Variants in CNTN5 observed in about 807,000 individuals in gnomAD.
CNTN5 encodes the protein contactin-5.
A neutral mutation model predicts 129.1 loss-of-function variants in CNTN5; 77 were observed. That is an observed-to-expected ratio of 0.60 (90% CI 0.50 to 0.72). CNTN5 has a LOEUF of 0.72. CNTN5 is among the 30% of genes least tolerant of loss of function. CNTN5 has a pLI of 0.00. For synonymous variants in CNTN5, 509 were observed against 465.6 expected (o/e 1.09, Z -1.20); for missense variants, 1,478 against 1,328.8 (o/e 1.11, Z -1.75).
chr11:100,038,100 C>A (rs528383106), intron 9 of CNTN5, among the ~76,000 whole-genome samples: 2 of 151,874 alleles, frequency 1.3e-5, no homozygotes, highest in African/African-American at 4.8e-5. Flanking sequence ...CTTTTGTGGG[C>A]ATTTAGTGCT....
intron 3 of CNTN5, among the ~76,000 whole-genome samples, chr11:99,786,398 G>T (rs1251991620): frequency 6.6e-6 from 1 of 151,588 alleles, no homozygotes; most frequent in Non-Finnish European, 1.5e-5. Flanking sequence ...TGGATAGGAA[G>T]AATCAATATC....
At chr11:99,784,724 C>T (rs1291484895) in intron 3 of CNTN5, among the ~76,000 whole-genome samples, 9 of 151,668 alleles carry the variant, frequency 5.9e-5, no homozygotes, top group African/African-American at 2.2e-4. Flanking sequence ...TCCACATCCT[C>T]TCCAGCATCT....
At chr11:99,669,087 T>C (rs1952923208) in intron 3 of CNTN5, among the ~76,000 whole-genome samples, 1 of 152,202 alleles carries the variant, frequency 6.6e-6, no homozygotes, top group Non-Finnish European at 1.5e-5. Context: ...ACTCTTACTT[T>C]GTCTAGTTTT....
chr11:99,811,028 G>C (rs1243456473), intron 3 of CNTN5, among the ~76,000 whole-genome samples: 2 of 152,024 alleles, frequency 1.3e-5, no homozygotes, highest in African/African-American at 4.8e-5. Flanking sequence ...TTTTACACAA[G>C]AGCCTAAACA....
rs930128242 is a variant in CNTN5, at chr11:99,325,354, A to T, written c.-201A>T. 32 of 152,140 alleles carry T rather than the reference A, an allele frequency of 2.1e-4. No homozygotes were observed. Among genetic ancestry groups the T allele is most frequent in the African/African-American group, 7.7e-4 (32 of 41,434 alleles). 9.4% of individuals were successfully genotyped at this position (152,140 alleles called of 1,614,324 possible). On this transcript the variant is annotated 5_prime_UTR_variant, in exon 2 of 25. Transcript: ENST00000524871. ...ATATTATTTCTTAACAGGTGTCTTTAAAGGATTGCCATTTAATGCCATTCA... is the reference window on the plus strand; with the variant it reads ...ATATTATTTCTTAACAGGTGTCTTTTAAGGATTGCCATTTAATGCCATTCA...
intron 3 of CNTN5, among the ~76,000 whole-genome samples, chr11:99,774,873 A>AT (rs1945071172): frequency 6.6e-6 from 1 of 152,002 alleles, no homozygotes; most frequent in South Asian, 2.1e-4. Flanking sequence ...TTAAAAAAAA[A>AT]TTTTCTTTCA....
chr11:99,265,846 G>A (rs1030696968), intron 1 of CNTN5, among the ~76,000 whole-genome samples: 2 of 151,974 alleles, frequency 1.3e-5, no homozygotes, highest in East Asian at 1.9e-4. Flanking sequence ...GTAAGTAGCT[G>A]TGTCTATTAT....
chr11:99,936,962 T>G (rs1479385602), intron 7 of CNTN5, among the ~76,000 whole-genome samples: 1 of 152,158 alleles, frequency 6.6e-6, no homozygotes, highest in Non-Finnish European at 1.5e-5. Flanking sequence ...GATGGAGTTC[T>G]TACCACATGA....
intron 17 of CNTN5, among the ~76,000 whole-genome samples, chr11:100,262,943 A>G (rs1950233965): frequency 6.6e-6 from 1 of 152,186 alleles, no homozygotes; most frequent in African/African-American, 2.4e-5. Flanking sequence ...TATAATAAAA[A>G]AAAGAAAATC....
chr11:99,070,458 G>A (rs1297243330), intron 1 of CNTN5, among the ~76,000 whole-genome samples: 1 of 151,954 alleles, frequency 6.6e-6, no homozygotes, highest in Admixed American at 6.6e-5. Flanking sequence ...GAAACAGCCT[G>A]AGCCCCTATA....
At chr11:100,281,875 T>A (rs144110149) in intron 18 of CNTN5, among the ~76,000 whole-genome samples, 1 of 152,312 alleles carries the variant, frequency 6.6e-6, no homozygotes, top group East Asian at 1.9e-4. Context: ...AAAAGACTCA[T>A]GCTTTCTCCA....
In CNTN5 at chr11:100,193,526, T is replaced by C. The variant is rs1470997642; in HGVS notation, c.1747T>C (p.Leu583=). ...RIELTPKRTE[L]TVGESIVLNC... is the part of the protein sequence containing the mutation. ...AGAACTTACTCCTAAAAGAACAGAATTGACAGTGGGAGAAAGCATTGTCCT... is the reference window on the plus strand; with the variant it reads ...AGAACTTACTCCTAAAAGAACAGAACTGACAGTGGGAGAAAGCATTGTCCT... Residue 583 remains leucine, a synonymous_variant, in exon 15 of 25, where the codon TTG becomes CTG. Transcript: ENST00000524871. 4 of 1,608,516 alleles carry C rather than the reference T, an allele frequency of 2.5e-6. No homozygotes were observed. In the South Asian group the frequency reaches 4.4e-5, roughly 18 times the overall value.
At chr11:99,392,604 C>T (rs919927613) in intron 2 of CNTN5, among the ~76,000 whole-genome samples, 2 of 151,760 alleles carry the variant, frequency 1.3e-5, no homozygotes, top group African/African-American at 2.4e-5. Flanking sequence ...CCCAAGACAT[C>T]GAATAAAACC....
chr11:99,337,464 G>A lies in CNTN5; in HGVS notation c.-71+11980G>A, dbSNP rs539555200. On this transcript the variant is annotated intron_variant, in intron 2 of 24. Transcript: ENST00000524871. ...ACTAAAAGTATCCCTTAAGGGAAAC[G>A]AAGGGATAGGCCGAATTAATTGCAG... is the stretch of plus-strand genomic sequence containing the variant. 3.3e-5 allele frequency among the ~76,000 whole-genome samples: 5 copies of A among 152,216 alleles called. No homozygotes were observed. In the East Asian group the frequency reaches 5.8e-4, roughly 18 times the overall value.
rs914738254 is a variant in CNTN5, at chr11:100,172,090, T to C, written c.1581-19036T>C. The stretch of plus-strand genomic sequence containing the variant: ...TTAGCAGTGGAAATAAAGACAGTAA[T>C]TGCAATCCAGTCAAATGAAGTTAAT... On this transcript the variant is annotated intron_variant, in intron 13 of 24. Coordinates refer to ENST00000524871, the MANE Select transcript of CNTN5 (RefSeq NM_014361.4). Among the ~76,000 whole-genome samples the C allele has an allele frequency of 4.6e-5, 7 of 151,968 alleles. No individual in the cohort carries two copies. The South Asian group carries it at 1.0e-3, about 23-fold the overall frequency.
At chr11:100,013,037 G>A (rs1353917839) in intron 9 of CNTN5, among the ~76,000 whole-genome samples, 1 of 152,126 alleles carries the variant, frequency 6.6e-6, no homozygotes, top group Non-Finnish European at 1.5e-5. Flanking sequence ...GCCTTTTGCA[G>A]CAACATGTAC....
intron 21 of CNTN5, among the ~76,000 whole-genome samples, chr11:100,333,454 C>T (rs373887211): frequency 2.4e-4 from 32 of 134,084 alleles, no homozygotes; most frequent in Admixed American, 1.8e-3. Context: ...CACATGGAAC[C>T]GAAAAAGAGC....
chr11:99,414,932 C>T (rs202219186), intron 2 of CNTN5, among the ~76,000 whole-genome samples: 141 of 152,244 alleles, frequency 9.3e-4, no homozygotes, highest in Admixed American at 1.7e-3. Flanking sequence ...TTTTAGTTGC[C>T]TTTGGCTTCC....
At chr11:99,022,891 G>A (rs947981706) in intron 1 of CNTN5, among the ~76,000 whole-genome samples, 3 of 152,138 alleles carry the variant, frequency 2.0e-5, no homozygotes, top group African/African-American at 7.2e-5. Context: ...ATTGAGAAAG[G>A]AGGAGAAAAA....
Sources: gnomAD v4.1 joint callset for allele counts (sites outside exome capture counted in the v4.1 genomes callset) on GRCh38, gnomAD v4.1.1 for gene constraint, MANE v1.5 for transcripts, NCBI Gene and HGNC (gene_info 2026-07-23, HGNC 2026-07-21) for gene names.